IGFL2: variants seen among roughly 807,000 people sequenced by gnomAD.
The protein encoded by IGFL2 is insulin growth factor-like family member 2.
IGFL2 carries 7 observed loss-of-function variants against 13.9 expected under a neutral mutation model. The observed-to-expected ratio is 0.51, with a 90% confidence interval of 0.29 to 0.95. The LOEUF (loss-of-function observed/expected upper bound fraction) is 0.95, where lower values mean the gene tolerates loss of function less well. Among genes scored for constraint, IGFL2 ranks in the 40% least tolerant of loss-of-function variants. The pLI, the probability that IGFL2 is intolerant of heterozygous loss-of-function variation, is 0.08. For missense variants in IGFL2, 138 were observed against 147.8 expected (o/e 0.93, Z 0.34); for synonymous variants, 55 against 55.8 (o/e 0.99, Z 0.07).
At chr19:46,083,640 T>G in the IGFL2 span, among the ~76,000 whole-genome samples, 5 of 152,104 alleles carry the variant, frequency 3.3e-5, no homozygotes, top group Non-Finnish European at 5.9e-5. Context: ...CAGCCATATG[T>G]ATAGACTGAA....
the IGFL2 span, among the ~76,000 whole-genome samples, chr19:46,130,751 G>A: frequency 6.6e-6 from 1 of 152,094 alleles, no homozygotes; most frequent in Non-Finnish European, 1.5e-5. Flanking sequence ...TTCCTTTTCT[G>A]TAAATGATAC....
the IGFL2 span, among the ~76,000 whole-genome samples, chr19:46,102,583 G>A: frequency 6.6e-6 from 1 of 152,088 alleles, no homozygotes; most frequent in African/African-American, 2.4e-5. Flanking sequence ...AAAGTCAATT[G>A]ATCAGTTAGG....
chr19:46,135,852 T>C, the IGFL2 span, among the ~76,000 whole-genome samples: 327 of 152,330 alleles, frequency 2.1e-3, 2 homozygotes, highest in African/African-American at 7.7e-3. Flanking sequence ...ACTTCACCCA[T>C]GTCAACATTT....
At position 46,149,414 on chromosome 19, in the gene IGFL2, C is replaced by G. The variant is rs538206234; in HGVS notation, c.19+1117C>G. Among the ~76,000 whole-genome samples the G allele has an allele frequency of 6.6e-4, 97 of 148,068 alleles. 1 individual carries two copies. Among genetic ancestry groups the G allele is most frequent in the South Asian group, 4.9e-3 (22 of 4,478 alleles). ...TTTCCCTCCTCTCCTTCCTTCTCTT[C>G]CTTCCTCTCTCAAGTTGAAGGAAGA... On this transcript the variant is annotated intron_variant, in intron 1 of 3. Transcript: ENST00000377693.
At chr19:46,094,588 A>G in the IGFL2 span, among the ~76,000 whole-genome samples, 3 of 151,930 alleles carry the variant, frequency 2.0e-5, no homozygotes, top group South Asian at 2.1e-4. Flanking sequence ...CACACAGGTA[A>G]ACGTGTGCCA....
chr19:46,098,129 G>T, the IGFL2 span, among the ~76,000 whole-genome samples: 1 of 152,274 alleles, frequency 6.6e-6, no homozygotes, highest in East Asian at 1.9e-4. Flanking sequence ...TTATTGTGTG[G>T]GAGTCTAAGT....
At chr19:46,165,325 G>C (rs1974347058), downstream of IGFL2, among the ~76,000 whole-genome samples, 1 of 152,186 alleles carries the variant, frequency 6.6e-6, no homozygotes, top group South Asian at 2.1e-4. Context: ...TAGAATCATG[G>C]ATCAACAATG....
At chr19:46,163,341 G>A (rs1974247835), downstream of IGFL2, among the ~76,000 whole-genome samples, 1 of 152,156 alleles carries the variant, frequency 6.6e-6, no homozygotes, top group African/African-American at 2.4e-5. Flanking sequence ...TAGTGGTTGT[G>A]GCCAAGGGTT....
intron 3 of IGFL2, 29 bp downstream of exon 3, chr19:46,160,910 CG>C (rs1568434349): frequency 6.2e-7 from 1 of 1,610,348 alleles, no homozygotes; most frequent in Non-Finnish European, 8.5e-7. Flanking sequence ...GCCAGGGGGT[CG>C]GGGGAAGGGA....
chr19:46,103,550 G>C, the IGFL2 span, among the ~76,000 whole-genome samples: 1 of 152,168 alleles, frequency 6.6e-6, no homozygotes, highest in East Asian at 1.9e-4. Flanking sequence ...GTGGCGGATT[G>C]GGGATAGTAC....
At chr19:46,130,100 T>G in the IGFL2 span, among the ~76,000 whole-genome samples, 1 of 152,164 alleles carries the variant, frequency 6.6e-6, no homozygotes, top group African/African-American at 2.4e-5. Context: ...AATTGAACCC[T>G]TTACTATTAC....
At chr19:46,139,839 ATATTTATATGTGTGTATG>A (rs1286687867), upstream of IGFL2, among the ~76,000 whole-genome samples, 1 of 151,530 alleles carries the variant, frequency 6.6e-6, no homozygotes, top group East Asian at 2.0e-4. Context: ...ATGTCTATAT[ATATTTATATGTGTGTATG>A]TATTTATATG....
chr19:46,131,826 C>T, the IGFL2 span, among the ~76,000 whole-genome samples: 1 of 152,054 alleles, frequency 6.6e-6, no homozygotes, highest in African/African-American at 2.4e-5. Flanking sequence ...GTAGTCTCAG[C>T]TACTCGGGAG....
the IGFL2 span, among the ~76,000 whole-genome samples, chr19:46,133,861 A>C: frequency 2.6e-5 from 4 of 152,216 alleles, no homozygotes; most frequent in Non-Finnish European, 5.9e-5. Flanking sequence ...TCAATGCAAT[A>C]GAAACTGACA....
At chr19:46,158,420 A>G (rs1413612445) in intron 1 of IGFL2, among the ~76,000 whole-genome samples, 1 of 152,038 alleles carries the variant, frequency 6.6e-6, no homozygotes, top group Non-Finnish European at 1.5e-5. Context: ...CCTGTTAGCC[A>G]GGACGGTCTT....
chr19:46,080,557 T>A, the IGFL2 span, among the ~76,000 whole-genome samples: 2,020 of 152,352 alleles, frequency 0.013, 31 homozygotes, highest in Middle Eastern at 0.027. Flanking sequence ...TCTGACCAAG[T>A]CTTTGTATCT....
chr19:46,159,096 A>T (rs536117446), intron 1 of IGFL2: 5 of 152,290 alleles, frequency 3.3e-5, no homozygotes, highest in Non-Finnish European at 7.3e-5. Flanking sequence ...TCCTCACAAC[A>T]ACTCCATGAA....
chr19:46,145,156 G>T (rs1242852124), upstream of IGFL2, among the ~76,000 whole-genome samples: 1 of 152,106 alleles, frequency 6.6e-6, no homozygotes, highest in South Asian at 2.1e-4. Flanking sequence ...GTGAATGATG[G>T]GTTGTATGGT....
chr19:46,120,545 A>G, the IGFL2 span, among the ~76,000 whole-genome samples: 1 of 151,062 alleles, frequency 6.6e-6, no homozygotes, highest in African/African-American at 2.5e-5. Flanking sequence ...ATGAAAGATC[A>G]TAACAATTTT....
Sources: allele counts gnomAD v4.1 joint callset (sites outside exome capture counted in the v4.1 genomes callset), GRCh38; gene constraint gnomAD v4.1.1; transcripts MANE v1.5; gene names NCBI Gene and HGNC (gene_info 2026-07-23, HGNC 2026-07-21).